The following SGCZ variants were observed in gnomAD, a reference collection of about 807,000 sequenced individuals.
SGCZ encodes the protein zeta-sarcoglycan.
Under a neutral mutation model 41.3 loss-of-function variants are expected in SGCZ, and 40 were observed. The ratio of observed to expected loss-of-function variants is 0.97; its 90% CI spans 0.75 to 1.26. The LOEUF (loss-of-function observed/expected upper bound fraction) is 1.26, where lower values mean the gene tolerates loss of function less well. SGCZ is among the 50% of genes most tolerant of loss of function. The pLI is 0.00. For missense variants in SGCZ, 552 were observed against 369.8 expected (o/e 1.49, Z -4.04); for synonymous variants, 206 against 137.5 (o/e 1.50, Z -3.49).
intron 4 of SGCZ, among the ~76,000 whole-genome samples, chr8:14,193,037 A>AT (rs1397984910): frequency 6.6e-6 from 1 of 151,910 alleles, no homozygotes; most frequent in African/African-American, 2.4e-5. Context: ...GCAGAATGGG[A>AT]TACTTTTCCC....
At chr8:14,765,071 C>A (rs760706877) in intron 1 of SGCZ, among the ~76,000 whole-genome samples, 1 of 152,110 alleles carries the variant, frequency 6.6e-6, no homozygotes, top group African/African-American at 2.4e-5. Context: ...GTGCCAAGTA[C>A]CTAAGAGTTC....
At position 14,389,045 on chromosome 8, in the gene SGCZ, T is replaced by G. The variant is rs1424958364; in HGVS notation, c.235-64841A>C. Among the ~76,000 whole-genome samples, 4 of 151,910 alleles carry G rather than the reference T, an allele frequency of 2.6e-5. No homozygotes were observed. In the East Asian group the frequency reaches 7.7e-4, roughly 29 times the overall value. On this transcript the variant is annotated intron_variant, in intron 2 of 7. Coordinates refer to ENST00000382080, the MANE Select transcript of SGCZ (RefSeq NM_139167.4). The stretch of plus-strand genomic sequence containing the variant: ...CTATGAGATATAAAGTAGGAGACAT[T>G]CAAAACCACCAATTTTAATTTTTAG...
At chr8:14,641,937 T>C (rs1807040057) in intron 1 of SGCZ, among the ~76,000 whole-genome samples, 1 of 151,664 alleles carries the variant, frequency 6.6e-6, no homozygotes, top group African/African-American at 2.4e-5. Context: ...TAGTATTACT[T>C]TGAAACAAAA....
At position 14,090,425 on chromosome 8, in the gene SGCZ, G is replaced by A; in HGVS notation, c.*18C>T. The A allele has an allele frequency of 1.9e-6, 3 of 1,607,156 alleles. No individual in the cohort carries two copies. The highest frequency in any genetic ancestry group is 2.2e-5 in the South Asian group (2 of 90,190). On this transcript the variant is annotated 3_prime_UTR_variant, in exon 8 of 8. Coordinates refer to ENST00000382080, the MANE Select transcript of SGCZ (RefSeq NM_139167.4). ...CAGGAACAAAAGGCTATTCTGGTGT[G>A]AGGAGAAATCAGTCACTTCAGCTCC...
intron 3 of SGCZ, among the ~76,000 whole-genome samples, chr8:14,294,045 A>T (rs530133976): frequency 6.6e-6 from 1 of 151,940 alleles, no homozygotes; most frequent in East Asian, 1.9e-4. Flanking sequence ...ATGTGCATAT[A>T]TCAACAATAT....
At chr8:14,559,406 T>C (rs900155279) in intron 1 of SGCZ, among the ~76,000 whole-genome samples, 1 of 151,998 alleles carries the variant, frequency 6.6e-6, no homozygotes, top group African/African-American at 2.4e-5. Context: ...AATAAAATAC[T>C]TAGAAATATA....
intron 1 of SGCZ, among the ~76,000 whole-genome samples, chr8:14,766,553 T>A (rs1034232971): frequency 2.0e-5 from 3 of 151,880 alleles, no homozygotes; most frequent in Non-Finnish European, 4.4e-5. Context: ...TTTATTACTT[T>A]TAAAAATATA....
intron 1 of SGCZ, among the ~76,000 whole-genome samples, chr8:14,841,178 C>A (rs1325441155): frequency 6.6e-6 from 1 of 152,064 alleles, no homozygotes; most frequent in East Asian, 1.9e-4. Context: ...AAACATTAAA[C>A]CCAAAAGATG....
chr8:14,329,885 T>C (rs1350778686), intron 2 of SGCZ, among the ~76,000 whole-genome samples: 1 of 152,116 alleles, frequency 6.6e-6, no homozygotes, highest in Non-Finnish European at 1.5e-5. Context: ...ACTCAACTTA[T>C]ACTTCCACTA....
intron 1 of SGCZ, among the ~76,000 whole-genome samples, chr8:15,125,421 A>G (rs548170989): frequency 6.6e-5 from 10 of 152,280 alleles, no homozygotes; most frequent in African/African-American, 2.2e-4. Flanking sequence ...CTCCTGGGAA[A>G]GTATTAATTA....
chr8:14,224,256 C>T (rs555630262), intron 4 of SGCZ, among the ~76,000 whole-genome samples: 1 of 152,086 alleles, frequency 6.6e-6, no homozygotes, highest in Admixed American at 6.6e-5. Context: ...ACTAGTACAT[C>T]CAGAAATTCA....
chr8:14,577,458 G>A (rs1321865362), intron 1 of SGCZ, among the ~76,000 whole-genome samples: 1 of 143,126 alleles, frequency 7.0e-6, no homozygotes, highest in Non-Finnish European at 1.5e-5. Context: ...GCGCAATCTC[G>A]GTTCACTGCA....
At chr8:14,501,309 T>C (rs2117052303) in intron 2 of SGCZ, among the ~76,000 whole-genome samples, 1 of 152,116 alleles carries the variant, frequency 6.6e-6, no homozygotes, top group African/African-American at 2.4e-5. Flanking sequence ...AGATTAGCAA[T>C]CTTCATTCCA....
chr8:14,420,966 G>C (rs1437385578), intron 2 of SGCZ, among the ~76,000 whole-genome samples: 1 of 152,114 alleles, frequency 6.6e-6, no homozygotes, highest in African/African-American at 2.4e-5. Flanking sequence ...TGTCTTTAGA[G>C]AGGGATCACA....
chr8:14,119,617 G>C (rs556030698), intron 5 of SGCZ, among the ~76,000 whole-genome samples: 1 of 152,134 alleles, frequency 6.6e-6, no homozygotes, highest in Non-Finnish European at 1.5e-5. Context: ...TGGTGAGAGA[G>C]GTTAACTTTG....
At chr8:14,911,599 T>C (rs965798068) in intron 1 of SGCZ, among the ~76,000 whole-genome samples, 1 of 152,126 alleles carries the variant, frequency 6.6e-6, no homozygotes, top group South Asian at 2.1e-4. Flanking sequence ...CACTGAGAAA[T>C]GTATCTTGAA....
intron 2 of SGCZ, among the ~76,000 whole-genome samples, chr8:14,390,478 G>T (rs190348995): frequency 6.6e-6 from 1 of 151,548 alleles, no homozygotes; most frequent in African/African-American, 2.4e-5. Flanking sequence ...ATAAATAAAA[G>T]ACTTTTAAAC....
chr8:15,140,766 G>A (rs574896137), intron 1 of SGCZ, among the ~76,000 whole-genome samples: 1 of 152,046 alleles, frequency 6.6e-6, no homozygotes, highest in Non-Finnish European at 1.5e-5. Flanking sequence ...TATCCATCAA[G>A]ACAGCTCAGT....
chr8:14,868,556 G>T (rs1434694264), intron 1 of SGCZ, among the ~76,000 whole-genome samples: 1 of 152,060 alleles, frequency 6.6e-6, no homozygotes, highest in African/African-American at 2.4e-5. Flanking sequence ...TCGAGTAATT[G>T]ATTTTCTGGA....
Sources: gnomAD v4.1 joint callset for allele counts (sites outside exome capture counted in the v4.1 genomes callset) on GRCh38, gnomAD v4.1.1 for gene constraint, MANE v1.5 for transcripts, NCBI Gene and HGNC (gene_info 2026-07-23, HGNC 2026-07-21) for gene names.